PYROXD2: variants seen among roughly 807,000 people sequenced by gnomAD.
The protein encoded by PYROXD2 is pyridine nucleotide-disulfide oxidoreductase domain-containing protein 2.
A neutral mutation model predicts 71.1 loss-of-function variants in PYROXD2; 69 were observed. The ratio of observed to expected loss-of-function variants is 0.97; its 90% CI spans 0.80 to 1.19. PYROXD2 has a LOEUF of 1.19. PYROXD2 is among the 50% of genes most tolerant of loss of function. The pLI is 0.00. For synonymous variants in PYROXD2, 287 were observed against 302.7 expected (o/e 0.95, Z 0.54); for missense variants, 745 against 748.9 (o/e 0.99, Z 0.06).
intron 5 of PYROXD2, among the ~76,000 whole-genome samples, chr10:98,398,803 C>T (rs1749481219): frequency 6.6e-6 from 1 of 152,116 alleles, no homozygotes; most frequent in Admixed American, 6.6e-5. Flanking sequence ...CTCCAATCTG[C>T]TGCACAAAAG....
intron 1 of PYROXD2, 182 bp downstream of exon 1, chr10:98,414,827 G>A (rs936193565): frequency 9.7e-5 from 84 of 866,010 alleles, no homozygotes; most frequent in Non-Finnish European, 1.3e-4. Flanking sequence ...GGAATCCCAG[G>A]TGCCTGCCTG....
chr10:98,401,817 G>A (rs1044431795), intron 4 of PYROXD2, among the ~76,000 whole-genome samples: 4 of 152,102 alleles, frequency 2.6e-5, no homozygotes, highest in African/African-American at 9.7e-5. Flanking sequence ...ACAGTAACAC[G>A]TGGCACTGTC....
At position 98,383,790 on chromosome 10, in the gene PYROXD2, G is replaced by A; in HGVS notation, c.*8C>T. On this transcript the variant is annotated 3_prime_UTR_variant, in exon 16 of 16. Coordinates refer to ENST00000370575, the MANE Select transcript of PYROXD2 (RefSeq NM_032709.3). ...GAGTCTTCTTCCTGGGTCAGAGCTG[G>A]TTCAGGGTCACATGCTCTTGAGGTC... The A allele has an allele frequency of 6.2e-7, 1 of 1,613,488 alleles. No individual in the cohort carries two copies. The highest frequency in any genetic ancestry group is 1.3e-5 in the African/African-American group (1 of 75,032).
At chr10:98,393,143 A>G (rs1372482355) in intron 8 of PYROXD2, 60 bp from the exon 9 acceptor site, 4 of 1,293,742 alleles carry the variant, frequency 3.1e-6, no homozygotes, top group Non-Finnish European at 4.2e-6. Flanking sequence ...CCAGAGTTCC[A>G]GGTGCAACTA....
intron 2 of PYROXD2, among the ~76,000 whole-genome samples, chr10:98,409,289 A>ACAC (rs1326647126): frequency 2.0e-5 from 3 of 152,162 alleles, no homozygotes; most frequent in Admixed American, 1.3e-4. Flanking sequence ...TGCTCTCTGC[A>ACAC]CACTCGTCTC....
chr10:98,398,171 C>A (rs1285988713), intron 5 of PYROXD2, among the ~76,000 whole-genome samples: 1 of 152,224 alleles, frequency 6.6e-6, no homozygotes, highest in Non-Finnish European at 1.5e-5. Context: ...GCGTGAGCCG[C>A]CACGCTGGCC....
At chr10:98,388,218 G>T (rs1590932237) in intron 13 of PYROXD2, 136 bp downstream of exon 13, 7 of 836,872 alleles carry the variant, frequency 8.4e-6, no homozygotes, top group South Asian at 1.6e-5. Context: ...TTGACTTGAG[G>T]TTCCCTTGAC....
intron 5 of PYROXD2, among the ~76,000 whole-genome samples, chr10:98,398,402 C>G (rs1338139998): frequency 6.6e-6 from 1 of 152,124 alleles, no homozygotes. Context: ...GTGATAGAAG[C>G]CTGTGCTACT....
Position 98,388,491 on chromosome 10 carries a change from C to T in PYROXD2, c.1310G>A (p.Cys437Tyr), listed in dbSNP as rs756873816. Reference sequence around the variant, plus strand: ...GGTGGGGTCCAGCGAGGAAGGGATGCAGAGCTCAATCACAGGCCTGTGCGG... The same window carrying T: ...GGTGGGGTCCAGCGAGGAAGGGATGTAGAGCTCAATCACAGGCCTGTGCGG... Reference protein sequence around the residue: ...LPSHRPVIELCIPSSLDPTLA... With the variant: ...LPSHRPVIELYIPSSLDPTLA... Residue 437 changes from cysteine to tyrosine, a missense_variant, in exon 13 of 16, where the codon TGC becomes TAC. Transcript: ENST00000370575. The T allele has an allele frequency of 2.5e-6, 4 of 1,608,388 alleles. No individual in the cohort carries two copies. The East Asian group carries it at 8.9e-5, about 36-fold the overall frequency.
chr10:98,412,490 A>G (rs1843821244), intron 1 of PYROXD2, among the ~76,000 whole-genome samples: 1 of 152,082 alleles, frequency 6.6e-6, no homozygotes, highest in African/African-American at 2.4e-5. Flanking sequence ...GACCTCTGGG[A>G]GACACCTCCC....
intron 14 of PYROXD2, among the ~76,000 whole-genome samples, chr10:98,385,913 A>G (rs1041888512): frequency 1.3e-5 from 2 of 152,152 alleles, no homozygotes; most frequent in Admixed American, 6.5e-5. Flanking sequence ...TACCTGGACC[A>G]GTGCTGTTCA....
intron 5 of PYROXD2, 26 bp downstream of exon 5, chr10:98,400,076 G>A (rs1360238219): frequency 1.9e-6 from 3 of 1,608,262 alleles, no homozygotes; most frequent in African/African-American, 1.3e-5. Context: ...GGGAGCAGGA[G>A]CTCAGTCACT....
At chr10:98,384,406 G>A (rs1486823891) in intron 15 of PYROXD2, among the ~76,000 whole-genome samples, 2 of 152,104 alleles carry the variant, frequency 1.3e-5, no homozygotes, top group Non-Finnish European at 2.9e-5. Context: ...TCACTTCAGC[G>A]CGGGAGTTCG....
intron 6 of PYROXD2, among the ~76,000 whole-genome samples, chr10:98,396,638 G>A (rs1157185063): frequency 6.6e-6 from 1 of 152,094 alleles, no homozygotes; most frequent in African/African-American, 2.4e-5. Context: ...TTCCTGTATG[G>A]GGGCAGCTCT....
intron 15 of PYROXD2, 50 bp downstream of exon 15, chr10:98,384,897 C>T: frequency 6.5e-7 from 1 of 1,540,350 alleles, no homozygotes; most frequent in Non-Finnish European, 8.7e-7. Flanking sequence ...CTCTGGCCTC[C>T]AGTGAGCCCT....
chr10:98,397,345 C>T lies in PYROXD2; in HGVS notation c.625G>A (p.Gly209Ser), dbSNP rs1316640917. Residue 209 changes from glycine (G) to serine (S), a missense_variant and splice_region_variant, in exon 6 of 16, where the codon GGC becomes AGC. Gly to Ser is a moderately conservative substitution (Grantham distance 56). Coordinates refer to ENST00000370575, the MANE Select transcript of PYROXD2 (RefSeq NM_032709.3). Reference sequence around the variant, plus strand: ...CCCTGGTGCCTGCACTTGGACTTACCTGCCTTCAGCAGGGGCTTGAGGGTG... The same window carrying T: ...CCCTGGTGCCTGCACTTGGACTTACTTGCCTTCAGCAGGGGCTTGAGGGTG... ...LSTLKPLLKA[G>S]RILGAQLPRY... 3 of 1,593,042 alleles carry T rather than the reference C, an allele frequency of 1.9e-6. No individual in the cohort carries two copies. Among genetic ancestry groups the T allele is most frequent in the East Asian group, 2.3e-5 (1 of 44,054 alleles).
At chr10:98,411,040 C>T (rs755772636) in intron 1 of PYROXD2, 82 bp from the exon 2 acceptor site, 23 of 1,542,398 alleles carry the variant, frequency 1.5e-5, no homozygotes, top group Middle Eastern at 1.7e-4. Flanking sequence ...ATGTGCTCCC[C>T]GCTGCCCGTC....
chr10:98,390,901 TG>T, intron 11 of PYROXD2, 108 bp downstream of exon 11: 1 of 1,350,584 alleles, frequency 7.4e-7, no homozygotes, highest in Non-Finnish European at 1.1e-6. Context: ...GGACACAGGC[TG>T]GAGGTCCGGG....
Position 98,393,033 on chromosome 10 carries a change from G to T in PYROXD2, c.836C>A (p.Ala279Asp). ...CATGCCCCCCTGGACGTAGCCCCAG[G>T]CCCCCTGCATTCCCTCCAGGCCCCC... Reference protein sequence around the residue: ...VMGGLEGMQGAWGYVQGGMGA... With the variant: ...VMGGLEGMQGDWGYVQGGMGA... The change falls in exon 9 of 16, where the codon GCC becomes GAC. Residue 279 changes from alanine (A) to aspartate (D), a missense_variant. Ala to Asp is a moderately radical substitution (Grantham distance 126). Coordinates refer to ENST00000370575, the MANE Select transcript of PYROXD2 (RefSeq NM_032709.3). 6.2e-7 allele frequency: 1 copy of T among 1,607,102 alleles called. No individual in the cohort carries two copies. The highest frequency in any genetic ancestry group is 8.5e-7 in the Non-Finnish European group (1 of 1,176,168).
Sources: gnomAD v4.1 joint callset for allele counts (sites outside exome capture counted in the v4.1 genomes callset) on GRCh38, gnomAD v4.1.1 for gene constraint, MANE v1.5 for transcripts, NCBI Gene and HGNC (gene_info 2026-07-23, HGNC 2026-07-21) for gene names.